The following TENM3 variants were observed in gnomAD, a reference collection of about 807,000 sequenced individuals.
TENM3 encodes teneurin transmembrane protein 3.
TENM3 carries 63 observed loss-of-function variants against 255.1 expected under a neutral mutation model. That is an observed-to-expected ratio of 0.25 (90% CI 0.20 to 0.30). TENM3 has a LOEUF of 0.30. TENM3 is among the 10% of genes least tolerant of loss of function. The pLI is 1.00. For missense variants in TENM3, 2,929 were observed against 3,461.1 expected (o/e 0.85, Z 3.86); for synonymous variants, 1,306 against 1,322.3 (o/e 0.99, Z 0.27).
the TENM3 span, among the ~76,000 whole-genome samples, chr4:181,909,540 T>A: frequency 6.6e-6 from 1 of 152,200 alleles, no homozygotes; most frequent in African/African-American, 2.4e-5. Context: ...TCAGCCCGGC[T>A]GCTGTTCTTC....
chr4:182,289,486 G>A (rs1298790149), intron 1 of TENM3, among the ~76,000 whole-genome samples: 4 of 152,180 alleles, frequency 2.6e-5, no homozygotes, highest in African/African-American at 4.8e-5. Flanking sequence ...TGTCGCAGTT[G>A]TCCTGTACAC....
the TENM3 span, among the ~76,000 whole-genome samples, chr4:181,532,415 C>T: frequency 2.6e-5 from 4 of 152,070 alleles, no homozygotes; most frequent in African/African-American, 9.7e-5. Context: ...AGATTCCTGG[C>T]TTGAAGGTGA....
At chr4:181,928,610 G>T in the TENM3 span, among the ~76,000 whole-genome samples, 1 of 151,830 alleles carries the variant, frequency 6.6e-6, no homozygotes, top group Non-Finnish European at 1.5e-5. Context: ...ACACTCTTCG[G>T]GATATTATCC....
At chr4:182,068,718 A>G in the TENM3 span, among the ~76,000 whole-genome samples, 1 of 152,262 alleles carries the variant, frequency 6.6e-6, no homozygotes, top group South Asian at 2.1e-4. Context: ...CCACACATGT[A>G]CATAAGAATG....
At chr4:181,525,848 A>G in the TENM3 span, among the ~76,000 whole-genome samples, 1 of 152,146 alleles carries the variant, frequency 6.6e-6, no homozygotes, top group Non-Finnish European at 1.5e-5. Flanking sequence ...TGCACGCGCT[A>G]CTTCTCACAT....
At chr4:181,490,945 A>G in the TENM3 span, among the ~76,000 whole-genome samples, 2 of 152,100 alleles carry the variant, frequency 1.3e-5, no homozygotes, top group African/African-American at 4.8e-5. Context: ...ACCCTCCAAA[A>G]CAAGCGTAAT....
the TENM3 span, among the ~76,000 whole-genome samples, chr4:181,487,105 T>C: frequency 6.6e-6 from 1 of 152,190 alleles, no homozygotes; most frequent in African/African-American, 2.4e-5. Context: ...TAAACATGTA[T>C]AATATACAAT....
At chr4:181,690,715 C>T in the TENM3 span, among the ~76,000 whole-genome samples, 3 of 152,024 alleles carry the variant, frequency 2.0e-5, no homozygotes, top group East Asian at 1.9e-4. Flanking sequence ...GCAGGGCTAA[C>T]GTGAATCACA....
At chr4:182,119,442 C>T in the TENM3 span, among the ~76,000 whole-genome samples, 1 of 151,494 alleles carries the variant, frequency 6.6e-6, no homozygotes, top group African/African-American at 2.4e-5. Context: ...AATTACGGTT[C>T]CGGTTTACCT....
the TENM3 span, among the ~76,000 whole-genome samples, chr4:182,071,056 C>G: frequency 6.6e-6 from 1 of 151,970 alleles, no homozygotes; most frequent in Non-Finnish European, 1.5e-5. Flanking sequence ...CAGCTACTGA[C>G]GCTTGAATTA....
At chr4:181,638,989 T>C in the TENM3 span, among the ~76,000 whole-genome samples, 14 of 152,218 alleles carry the variant, frequency 9.2e-5, no homozygotes, top group African/African-American at 2.9e-4. Flanking sequence ...GATTCACAGA[T>C]GATCTAACTG....
At chr4:181,467,813 A>T in the TENM3 span, among the ~76,000 whole-genome samples, 1 of 152,158 alleles carries the variant, frequency 6.6e-6, no homozygotes, top group Non-Finnish European at 1.5e-5. Context: ...TTAAGTCTTA[A>T]GTTAGTGATT....
chr4:182,738,760 C>G (rs1280434137), intron 18 of TENM3, among the ~76,000 whole-genome samples: 3 of 152,126 alleles, frequency 2.0e-5, no homozygotes, highest in Admixed American at 2.0e-4. Flanking sequence ...TTAAAATGTT[C>G]ATGAATTGAT....
chr4:181,721,440 CAAAAAA>C, the TENM3 span, among the ~76,000 whole-genome samples: 1 of 141,282 alleles, frequency 7.1e-6, no homozygotes. Flanking sequence ...ACTAAAAATA[CAAAAAA>C]AAAATTAGCC....
the TENM3 span, among the ~76,000 whole-genome samples, chr4:181,814,904 G>A: frequency 6.6e-6 from 1 of 151,812 alleles, no homozygotes; most frequent in East Asian, 1.9e-4. Context: ...CAAATAATAC[G>A]AACCTAAGAG....
the TENM3 span, among the ~76,000 whole-genome samples, chr4:181,538,895 T>A: frequency 6.6e-6 from 1 of 152,210 alleles, no homozygotes; most frequent in African/African-American, 2.4e-5. Flanking sequence ...GTAATCCAAT[T>A]GGTTTAGTTG....
At chr4:181,960,320 CT>C in the TENM3 span, among the ~76,000 whole-genome samples, 2 of 152,002 alleles carry the variant, frequency 1.3e-5, no homozygotes, top group East Asian at 1.9e-4. Flanking sequence ...AATAATAGGA[CT>C]TTTTTTTCTA....
the TENM3 span, among the ~76,000 whole-genome samples, chr4:181,452,863 C>T: frequency 2.0e-5 from 3 of 152,008 alleles, no homozygotes; most frequent in Non-Finnish European, 2.9e-5. Flanking sequence ...GGCAGGATTT[C>T]GAAGTATTTG....
the TENM3 span, among the ~76,000 whole-genome samples, chr4:181,819,315 T>A: frequency 6.6e-6 from 1 of 152,186 alleles, no homozygotes; most frequent in East Asian, 1.9e-4. Context: ...GCCACATGAA[T>A]AAATAAAACA....
Sources: gnomAD v4.1 joint callset for allele counts (sites outside exome capture counted in the v4.1 genomes callset) on GRCh38, gnomAD v4.1.1 for gene constraint, MANE v1.5 for transcripts, NCBI Gene and HGNC (gene_info 2026-07-23, HGNC 2026-07-21) for gene names.